LMBR1: variants seen among roughly 807,000 people sequenced by gnomAD.
LMBR1 encodes limb development membrane protein 1, also known as limb region 1 protein homolog.
Under a neutral mutation model 73.9 loss-of-function variants are expected in LMBR1, and 52 were observed. The ratio of observed to expected loss-of-function variants is 0.70; its 90% CI spans 0.56 to 0.89. The LOEUF (loss-of-function observed/expected upper bound fraction) is 0.89. LMBR1 is among the 40% of genes least tolerant of loss of function. The probability of loss-of-function intolerance (pLI) is 0.00; values close to 1 mark genes in which losing one functional copy is unlikely to be tolerated. For missense variants in LMBR1, 539 were observed against 579.8 expected (o/e 0.93, Z 0.72); for synonymous variants, 215 against 209.4 (o/e 1.03, Z -0.23).
chr7:156,856,190 G>C (rs1228841906), intron 1 of LMBR1, among the ~76,000 whole-genome samples: 1 of 151,872 alleles, frequency 6.6e-6, no homozygotes, highest in Non-Finnish European at 1.5e-5. Context: ...GCAAGACTCT[G>C]TCTCAATAAA....
At chr7:156,742,196 A>G (rs1216379546) in intron 9 of LMBR1, among the ~76,000 whole-genome samples, 2 of 152,084 alleles carry the variant, frequency 1.3e-5, no homozygotes, top group African/African-American at 4.8e-5. Context: ...AAAAAAGAGA[A>G]AAAACTTCAA....
chr7:156,702,583 T>TA (rs1472822880), intron 15 of LMBR1, among the ~76,000 whole-genome samples: 1 of 152,210 alleles, frequency 6.6e-6, no homozygotes, highest in Non-Finnish European at 1.5e-5. Context: ...ACTCTCATGA[T>TA]AGTTTCTTTT....
At chr7:156,719,130 CCT>C (rs1206635157) in intron 15 of LMBR1, among the ~76,000 whole-genome samples, 102 of 132,154 alleles carry the variant, frequency 7.7e-4, no homozygotes, top group Non-Finnish European at 1.3e-3. Context: ...CTATCCCCCC[CCT>C]CCCCCCACCC....
At chr7:156,699,270 T>G (rs1809069741) in intron 15 of LMBR1, among the ~76,000 whole-genome samples, 1 of 152,198 alleles carries the variant, frequency 6.6e-6, no homozygotes, top group Non-Finnish European at 1.5e-5. Flanking sequence ...AACTATCTGA[T>G]CTTTGACAAA....
intron 5 of LMBR1, among the ~76,000 whole-genome samples, chr7:156,770,532 A>T (rs1482994977): frequency 6.6e-6 from 1 of 152,220 alleles, no homozygotes; most frequent in Non-Finnish European, 1.5e-5. Context: ...GAGTTTTATT[A>T]TGAAAGAAAA....
In LMBR1 at chr7:156,670,413, C is replaced by T. The variant is rs776960076; in HGVS notation, n.867-1126G>A. Among the ~76,000 whole-genome samples, 1 of 152,108 alleles carries T rather than the reference C, an allele frequency of 6.6e-6. No individual in the cohort carries two copies. Among genetic ancestry groups the T allele is most frequent in the Non-Finnish European group, 1.5e-5 (1 of 68,034 alleles). Reference sequence around the variant, plus strand: ...GTGACTTGCCTAAGAGAGGATGTGGCGCAGGATGTCACTGTCAGAATTTGA... The same window carrying T: ...GTGACTTGCCTAAGAGAGGATGTGGTGCAGGATGTCACTGTCAGAATTTGA... On this transcript the variant is annotated intron_variant and non_coding_transcript_variant, in intron 4 of 4. Coordinates refer to the LMBR1 transcript ENST00000430825. This position sits in a 1 kb window ranked among gnomAD's most constrained non-coding sequence, Gnocchi z 4.3.
At chr7:156,727,110 G>A (rs1314103388) in intron 12 of LMBR1, among the ~76,000 whole-genome samples, 1 of 152,036 alleles carries the variant, frequency 6.6e-6, no homozygotes, top group Non-Finnish European at 1.5e-5. Flanking sequence ...TTTGTTATAG[G>A]CATCTCAGCC....
chr7:156,736,051 A>G (rs1817800795), intron 9 of LMBR1, among the ~76,000 whole-genome samples: 1 of 152,176 alleles, frequency 6.6e-6, no homozygotes, highest in Non-Finnish European at 1.5e-5. Context: ...AATAGCTGGG[A>G]TGACTCAGTC....
intron 1 of LMBR1, among the ~76,000 whole-genome samples, chr7:156,851,442 C>T (rs941054546): frequency 6.6e-6 from 1 of 152,174 alleles, no homozygotes; most frequent in African/African-American, 2.4e-5. Flanking sequence ...AAGATTATCA[C>T]AGCATATTTC....
At chr7:156,753,772 C>T (rs983802259) in intron 9 of LMBR1, among the ~76,000 whole-genome samples, 12 of 152,198 alleles carry the variant, frequency 7.9e-5, no homozygotes, top group African/African-American at 2.2e-4. Context: ...GGCCGCCTGC[C>T]GAGATCACAG....
chr7:156,698,857 C>T (rs1808959228), intron 15 of LMBR1, among the ~76,000 whole-genome samples: 1 of 152,230 alleles, frequency 6.6e-6, no homozygotes, highest in Non-Finnish European at 1.5e-5. Context: ...ACTTCTGCAG[C>T]TGGCTTGAAT....
At position 156,734,158 on chromosome 7, in the gene LMBR1, G is replaced by T; in HGVS notation, c.838+19C>A. 6.7e-7 allele frequency: 1 copy of T among 1,490,682 alleles called. No homozygotes were observed. The highest frequency in any genetic ancestry group is 2.3e-5 in the East Asian group (1 of 43,368). 92.3% of individuals were successfully genotyped at this position (1,490,682 alleles called of 1,614,324 possible). The stretch of plus-strand genomic sequence containing the variant: ...AAACCAAGGCCAATACACAAGTCAA[G>T]AAAAAAAAAGTACAATACCTAATTT... On this transcript the variant is annotated intron_variant, in intron 10 of 16. Transcript: ENST00000353442.
intron 1 of LMBR1, among the ~76,000 whole-genome samples, chr7:156,863,789 T>C (rs1798056980): frequency 1.3e-5 from 2 of 152,180 alleles, no homozygotes; most frequent in Non-Finnish European, 2.9e-5. Flanking sequence ...GTAGGCTATA[T>C]AGAGGATTAA....
At chr7:156,773,730 C>G (rs1259283745) in intron 5 of LMBR1, among the ~76,000 whole-genome samples, 1 of 152,028 alleles carries the variant, frequency 6.6e-6, no homozygotes, top group Non-Finnish European at 1.5e-5. Flanking sequence ...AATGTAAAAC[C>G]TAAAACCGTT....
At chr7:156,811,863 G>A (rs751104777) in intron 4 of LMBR1, among the ~76,000 whole-genome samples, 14 of 152,248 alleles carry the variant, frequency 9.2e-5, no homozygotes, top group Non-Finnish European at 1.5e-4. Context: ...GCAGGACCAC[G>A]CTCCTTCCAA....
At chr7:156,758,684 G>A (rs910823320) in intron 8 of LMBR1, among the ~76,000 whole-genome samples, 46 of 152,270 alleles carry the variant, frequency 3.0e-4, no homozygotes, top group African/African-American at 1.1e-3. Flanking sequence ...GCCATGACTG[G>A]AAACTTCCTG....
chr7:156,775,276 G>A (rs937368722), intron 5 of LMBR1, among the ~76,000 whole-genome samples: 1 of 152,114 alleles, frequency 6.6e-6, no homozygotes. Context: ...GCCGAGGCAG[G>A]AGAATCACTT....
intron 4 of LMBR1, among the ~76,000 whole-genome samples, chr7:156,801,270 C>T (rs1411790202): frequency 2.0e-5 from 3 of 152,162 alleles, no homozygotes; most frequent in Non-Finnish European, 4.4e-5. Flanking sequence ...TTAGCAAAAT[C>T]AAGGCAAGAC....
At chr7:156,723,532 T>A (rs1185874385) in intron 15 of LMBR1, among the ~76,000 whole-genome samples, 1 of 152,136 alleles carries the variant, frequency 6.6e-6, no homozygotes, top group Non-Finnish European at 1.5e-5. Context: ...ACTATTTCAA[T>A]GACAAAGCAA....
Sources: allele counts gnomAD v4.1 joint callset (sites outside exome capture counted in the v4.1 genomes callset), GRCh38; gene constraint gnomAD v4.1.1; non-coding constraint Gnocchi (gnomAD v3.1); transcripts MANE v1.5; gene names NCBI Gene and HGNC (gene_info 2026-07-23, HGNC 2026-07-21).